ASTN2: variants seen among roughly 807,000 people sequenced by gnomAD.
The protein encoded by ASTN2 is astrotactin 2.
In ASTN2, 54 loss-of-function variants were observed where a neutral mutation model predicts 139.8. The ratio of observed to expected loss-of-function variants is 0.39; its 90% confidence interval spans 0.31 to 0.48. The LOEUF (loss-of-function observed/expected upper bound fraction) is 0.48. Ranked by LOEUF, ASTN2 falls within the 20% of genes least tolerant of loss-of-function variation. The pLI is 0.95. For synonymous variants in ASTN2, 756 were observed against 719.5 expected (o/e 1.05, Z -0.81); for missense variants, 1,565 against 1,725.1 (o/e 0.91, Z 1.64).
intron 19 of ASTN2, among the ~76,000 whole-genome samples, chr9:116,536,762 C>T (rs1851648131): frequency 1.3e-5 from 2 of 152,224 alleles, no homozygotes; most frequent in Admixed American, 1.3e-4. Flanking sequence ...GTCAGTCTGC[C>T]CCTACTAGGG....
intron 1 of ASTN2, 69 bp from the exon 2 acceptor site, chr9:117,291,582 GC>G: frequency 6.9e-7 from 1 of 1,445,954 alleles, no homozygotes; most frequent in Non-Finnish European, 9.3e-7. Context: ...GAGGAAAAGA[GC>G]CCACATAATC....
chr9:116,473,555 T>C (rs555958863), intron 20 of ASTN2, among the ~76,000 whole-genome samples: 22 of 152,230 alleles, frequency 1.4e-4, no homozygotes, highest in African/African-American at 4.6e-4. Context: ...GCAGGACAAT[T>C]AGCCAAGCAT....
intron 10 of ASTN2, among the ~76,000 whole-genome samples, chr9:116,906,784 T>C (rs1834173077): frequency 6.6e-6 from 1 of 152,098 alleles, no homozygotes. Flanking sequence ...AATCAGAATA[T>C]GGAGGGAAAG....
At chr9:117,392,057 T>C (rs933412055) in intron 1 of ASTN2, among the ~76,000 whole-genome samples, 2 of 152,160 alleles carry the variant, frequency 1.3e-5, no homozygotes, top group African/African-American at 4.8e-5. Flanking sequence ...CGGGAAGTCA[T>C]GAGTTGAAGC....
At chr9:116,639,135 T>C (rs1857212304) in intron 17 of ASTN2, among the ~76,000 whole-genome samples, 1 of 152,178 alleles carries the variant, frequency 6.6e-6, no homozygotes, top group Non-Finnish European at 1.5e-5. Context: ...CTGAACTAAG[T>C]TGATTTTGGA....
rs146781520 is a variant in ASTN2 at position 116,824,955 on chromosome 9, T to A, written c.2041-4172A>T. On this transcript the variant is annotated intron_variant, in intron 11 of 22. Transcript: ENST00000313400. ...ACTAGGCAATATTGAAACAGGGAGGTTTTAGTCTTTTCTCCTCCTCTAGGA... is the reference window on the plus strand; with the variant it reads ...ACTAGGCAATATTGAAACAGGGAGGATTTAGTCTTTTCTCCTCCTCTAGGA... Among the ~76,000 whole-genome samples, 571 of 151,946 alleles carry A rather than the reference T, an allele frequency of 3.8e-3. 3 individuals are homozygous for A. Among genetic ancestry groups the A allele is most frequent in the African/African-American group, 0.013 (546 of 41,438 alleles).
Position 117,223,690 on chromosome 9 carries a change from AC to A in ASTN2, c.631-8949del, listed in dbSNP as rs1221387029. Among the ~76,000 whole-genome samples, 6 of 152,338 alleles carry A rather than the reference AC, an allele frequency of 3.9e-5. No individual in the cohort carries two copies. The East Asian group carries it at 7.7e-4, about 20-fold the overall frequency. On this transcript the variant is annotated intron_variant, in intron 2 of 22. Transcript: ENST00000313400. ...GTGAACAATAAGGGAAGAAAAAGGC[AC>A]AACAAATAAGAATTTGCATGTATAC...
In ASTN2 at chr9:117,180,940, A is replaced by T. The variant is rs972807337; in HGVS notation, c.1015+33418T>A. The T allele has an allele frequency of 3.1e-6, 5 of 1,597,282 alleles. 1 individual carries two copies. Among genetic ancestry groups the T allele is most frequent in the Non-Finnish European group, 4.2e-6 (5 of 1,176,954 alleles). The stretch of plus-strand genomic sequence containing the variant: ...GTTCTGCAGCTTGGTGTGGATGGAC[A>T]TGATAACTTGGCCAATGTGAACCCT... On this transcript the variant is annotated intron_variant, in intron 3 of 22. Coordinates refer to ENST00000313400, the MANE Select transcript of ASTN2 (RefSeq NM_001365068.1).
chr9:117,299,450 ACT>A (rs1383110523), intron 1 of ASTN2, among the ~76,000 whole-genome samples: 2 of 151,996 alleles, frequency 1.3e-5, no homozygotes, highest in African/African-American at 4.8e-5. Context: ...GGATCTAAAA[ACT>A]CTTCATGGAG....
chr9:117,317,585 T>C (rs564729042), intron 1 of ASTN2, among the ~76,000 whole-genome samples: 3 of 152,294 alleles, frequency 2.0e-5, no homozygotes, highest in Non-Finnish European at 4.4e-5. Context: ...TTAACTCACA[T>C]CTCCAGATAC....
intron 1 of ASTN2, among the ~76,000 whole-genome samples, chr9:117,409,828 C>T (rs1458289328): frequency 6.6e-6 from 1 of 152,188 alleles, no homozygotes; most frequent in Non-Finnish European, 1.5e-5. Context: ...TGTGGCTAAA[C>T]TCCCTTCTCC....
chr9:117,282,027 T>G (rs1232072229), intron 2 of ASTN2, among the ~76,000 whole-genome samples: 1 of 152,182 alleles, frequency 6.6e-6, no homozygotes, highest in Admixed American at 6.5e-5. Flanking sequence ...TGTTCTCTTC[T>G]CTCTGTATCA....
At chr9:117,042,969 C>G (rs1838623115) in intron 5 of ASTN2, among the ~76,000 whole-genome samples, 1 of 152,088 alleles carries the variant, frequency 6.6e-6, no homozygotes, top group African/African-American at 2.4e-5. Context: ...CTCCTGGGTT[C>G]AAGTGATTCT....
At position 117,388,450 on chromosome 9, in the gene ASTN2, C is replaced by T. The variant is rs534249014; in HGVS notation, c.442+26047G>A. Among the ~76,000 whole-genome samples the T allele has an allele frequency of 7.2e-5, 11 of 152,288 alleles. No homozygotes were observed. In the East Asian group the frequency reaches 1.4e-3, roughly 19 times the overall value. On this transcript the variant is annotated intron_variant, in intron 1 of 22. Coordinates refer to ENST00000313400, the MANE Select transcript of ASTN2 (RefSeq NM_001365068.1). ...TGACAGACACTTGGATCTCCTTCAT[C>T]CTAGTGGGAGTGCTCTGATGAGACT...
intron 2 of ASTN2, among the ~76,000 whole-genome samples, chr9:117,287,836 C>T (rs1834488096): frequency 6.6e-6 from 1 of 152,136 alleles, no homozygotes; most frequent in African/African-American, 2.4e-5. Context: ...TATGTGCCAG[C>T]CTGGGTATTA....
rs1588091227 is a variant in ASTN2, at chr9:116,618,340, G to T, written c.3339C>A (p.Asp1113Glu). The T allele has an allele frequency of 5.6e-6, 9 of 1,614,052 alleles. No homozygotes were observed. The East Asian group carries it at 2.0e-4, about 36-fold the overall frequency. The stretch of plus-strand genomic sequence containing the variant: ...TGTACCTACCTGTGTACAGGTCAGT[G>T]TCTGTGTATTCATCCACTTTCTTAT... The part of the protein sequence containing the change: ...LQHKKVDEYT[D>E]TDLYTGEFLS... The change falls in exon 19 of 23, where the codon GAC becomes GAA. Residue 1113 changes from aspartate to glutamate, a missense_variant. Physicochemically the swap from Asp to Glu is conservative, Grantham distance 45. This residue lies in a region of ASTN2 where 418 missense variants were observed against 465.8 expected (regional missense o/e 0.90). Transcript: ENST00000313400.
intron 13 of ASTN2, among the ~76,000 whole-genome samples, chr9:116,786,769 A>C (rs555239117): frequency 6.6e-6 from 1 of 152,126 alleles, no homozygotes; most frequent in African/African-American, 2.4e-5. Context: ...CCCCACTGAA[A>C]TCTCATCTTG....
intron 11 of ASTN2, among the ~76,000 whole-genome samples, chr9:116,837,010 A>G (rs911237663): frequency 1.3e-5 from 2 of 152,110 alleles, no homozygotes; most frequent in African/African-American, 4.8e-5. Flanking sequence ...CAGCCATGTT[A>G]AGGCACCTGG....
At chr9:116,482,802 C>T (rs1370775164) in intron 20 of ASTN2, among the ~76,000 whole-genome samples, 4 of 152,180 alleles carry the variant, frequency 2.6e-5, no homozygotes, top group African/African-American at 9.7e-5. Context: ...GGCTACAGTC[C>T]CCAGGCTCCC....
Sources: allele counts gnomAD v4.1 joint callset (sites outside exome capture counted in the v4.1 genomes callset), GRCh38; gene constraint gnomAD v4.1.1; regional missense constraint gnomAD v4.1.1; transcripts MANE v1.5; gene names NCBI Gene and HGNC (gene_info 2026-07-23, HGNC 2026-07-21).